WDPCP: variants seen among roughly 807,000 people sequenced by gnomAD.
WDPCP encodes the protein WD repeat containing planar cell polarity effector.
WDPCP carries 71 observed loss-of-function variants against 93.1 expected under a neutral mutation model. That is an observed-to-expected ratio of 0.76 (90% CI 0.63 to 0.93). The LOEUF (loss-of-function observed/expected upper bound fraction) is 0.93, where lower values mean the gene tolerates loss of function less well. Among genes scored for constraint, WDPCP ranks in the 40% least tolerant of loss-of-function variants. WDPCP has a pLI of 0.00. For missense variants in WDPCP, 844 were observed against 887.4 expected, an observed-to-expected ratio of 0.95 and a Z score of 0.62; for synonymous variants, 315 against 315.0, an observed-to-expected ratio of 1.00 and a Z score of 0.00.
chr2:63,505,719 G>T (rs1441762350), intron 1 of WDPCP, among the ~76,000 whole-genome samples: 2 of 151,782 alleles, frequency 1.3e-5, no homozygotes, highest in South Asian at 4.1e-4. Context: ...ATACCTACCT[G>T]AAAAAAAGGA....
intron 13 of WDPCP, among the ~76,000 whole-genome samples, chr2:63,300,568 A>C (rs1575092905): frequency 6.6e-6 from 1 of 152,252 alleles, no homozygotes; most frequent in South Asian, 2.1e-4. Flanking sequence ...TGTCAGCAAC[A>C]GGATCCCCAA....
In WDPCP at chr2:63,267,643, A is replaced by T. The variant is rs1392764508; in HGVS notation, c.1813-8234T>A. 5.3e-5 allele frequency among the ~76,000 whole-genome samples: 8 copies of T among 152,324 alleles called. No individual in the cohort carries two copies. The East Asian group carries it at 1.5e-3, about 29-fold the overall frequency. ...AATTCAAACAACTCAATAGTAAGAA[A>T]ACTCAGTTAAAAGCTGGTAAAAGTA... On this transcript the variant is annotated intron_variant, in intron 13 of 17. Transcript: ENST00000272321.
intron 9 of WDPCP, among the ~76,000 whole-genome samples, chr2:63,424,389 C>T (rs1696101156): frequency 6.6e-6 from 1 of 152,130 alleles, no homozygotes; most frequent in Admixed American, 6.5e-5. Context: ...GAGAAGAGGA[C>T]TGTCTTTCTC....
chr2:63,335,219 T>C (rs1285947537), intron 12 of WDPCP, among the ~76,000 whole-genome samples: 1 of 152,162 alleles, frequency 6.6e-6, no homozygotes, highest in African/African-American at 2.4e-5. Context: ...TCACCAATAC[T>C]TGCCCTTTTC....
At chr2:63,591,461 A>G (rs895695249), upstream of WDPCP, among the ~76,000 whole-genome samples, 4 of 152,250 alleles carry the variant, frequency 2.6e-5, no homozygotes, top group Non-Finnish European at 5.9e-5. Flanking sequence ...TTAGGTGGCC[A>G]CAACCCCTTC....
At chr2:63,497,111 C>CAAAAA (rs10667775) in intron 1 of WDPCP, among the ~76,000 whole-genome samples, 2,531 of 72,218 alleles carry the variant, frequency 0.035, 299 homozygotes, top group African/African-American at 0.12. Flanking sequence ...GACTCCATCT[C>CAAAAA]AAAAAAAAAA....
rs1357650656 is a variant in WDPCP, at chr2:63,382,003, G to A, written c.1527C>T (p.Ser509=). 3 of 1,613,522 alleles carry A rather than the reference G, an allele frequency of 1.9e-6. No individual in the cohort carries two copies. The highest frequency in any genetic ancestry group is 1.7e-5 in the Admixed American group (1 of 59,906). The stretch of plus-strand genomic sequence containing the variant: ...GGCCCAGAGTGTCCCAGTTCATGCT[G>A]CTCAGGATGTTTATTGCCTCATAGA... ...DEIYEAINIL[S]SMNWDTLGHQ... Residue 509 remains serine, a synonymous_variant, in exon 11 of 18, where the codon AGC becomes AGT. Transcript: ENST00000272321.
intron 13 of WDPCP, among the ~76,000 whole-genome samples, chr2:63,262,906 T>G (rs1051841056): frequency 1.1e-4 from 17 of 152,192 alleles, no homozygotes; most frequent in African/African-American, 4.1e-4. Flanking sequence ...AGGTACTGGC[T>G]AAGAGGGCAA....
At position 63,323,576 on chromosome 2, in the gene WDPCP, C is replaced by T. The variant is rs552910879; in HGVS notation, c.1749-10265G>A. ...TCTTCCAACCCTGGACATCCCTTCC[C>T]TCCCTCAGGGTATGGCCCTCCACTT... On this transcript the variant is annotated intron_variant, in intron 12 of 17. Transcript: ENST00000272321. Among the ~76,000 whole-genome samples the T allele has an allele frequency of 2.0e-5, 3 of 152,262 alleles. 1 individual carries two copies. The highest frequency in any genetic ancestry group is 7.2e-5 in the African/African-American group (3 of 41,552).
At chr2:63,225,303 A>C (rs183732555) in intron 14 of WDPCP, among the ~76,000 whole-genome samples, 1 of 152,016 alleles carries the variant, frequency 6.6e-6, no homozygotes, top group African/African-American at 2.4e-5. Flanking sequence ...ATAAACATAT[A>C]AAAAGAAACT....
At chr2:63,297,821 A>G (rs1244016372) in intron 13 of WDPCP, among the ~76,000 whole-genome samples, 1 of 152,194 alleles carries the variant, frequency 6.6e-6, no homozygotes, top group African/African-American at 2.4e-5. Context: ...TAACTAATGC[A>G]CAGGTTCTAC....
chr2:63,820,104 G>C (rs1203755443), intron 1 of WDPCP, among the ~76,000 whole-genome samples: 1 of 152,148 alleles, frequency 6.6e-6, no homozygotes, highest in East Asian at 1.9e-4. Context: ...GGGACATTAA[G>C]AGTACTTAAT....
Position 63,404,546 on chromosome 2 carries a change from T to C in WDPCP, c.937A>G (p.Met313Val). Residue 313 changes from methionine (M) to valine (V), a missense_variant, in exon 10 of 18, where the codon ATG becomes GTG. By Grantham distance (21) the Met-to-Val change is conservative (BLOSUM62 1). Transcript: ENST00000272321. ...EHSVSVDKEP[M>V]ADSCIYECIR... Reference sequence around the variant, plus strand: ...CATTCATAGATGCAGCTGTCAGCCATGGGCTCTTTGTCTACACTTACGGAG... The same window carrying C: ...CATTCATAGATGCAGCTGTCAGCCACGGGCTCTTTGTCTACACTTACGGAG... 6.2e-7 allele frequency: 1 copy of C among 1,613,660 alleles called. No individual in the cohort carries two copies.
intron 2 of WDPCP, among the ~76,000 whole-genome samples, chr2:63,667,692 C>T (rs1710299435): frequency 6.6e-6 from 1 of 152,058 alleles, no homozygotes; most frequent in African/African-American, 2.4e-5. Flanking sequence ...TTGGAGAATG[C>T]AGAGGAACAG....
Position 63,404,575 on chromosome 2 carries a change from T to A in WDPCP, c.908A>T (p.Glu303Val). The A allele has an allele frequency of 6.2e-7, 1 of 1,613,982 alleles. No individual in the cohort carries two copies. The highest frequency in any genetic ancestry group is 1.1e-5 in the South Asian group (1 of 91,038). The change falls in exon 10 of 18, where the codon GAG becomes GTG. Residue 303 changes from glutamate to valine, a missense_variant. Glu to Val is a moderately radical substitution (Grantham distance 121). Coordinates refer to ENST00000272321, the MANE Select transcript of WDPCP (RefSeq NM_015910.7). ...CTCTTTGTCTACACTTACGGAGTGC[T>A]CCACTGTGAACACCTGATAAGGCTG... The part of the protein sequence containing the change: ...TKQPYQVFTV[E>V]HSVSVDKEPM...
At chr2:63,820,694 T>G (rs1187096963) in intron 1 of WDPCP, among the ~76,000 whole-genome samples, 1 of 152,162 alleles carries the variant, frequency 6.6e-6, no homozygotes, top group Non-Finnish European at 1.5e-5. Context: ...CAAAAAAACG[T>G]GTGTTCTTTT....
At chr2:63,243,643 T>C (rs1410469309) in intron 14 of WDPCP, among the ~76,000 whole-genome samples, 1 of 152,142 alleles carries the variant, frequency 6.6e-6, no homozygotes, top group East Asian at 1.9e-4. Context: ...GTGTTCAATT[T>C]ATCAAGAAGA....
intron 2 of WDPCP, among the ~76,000 whole-genome samples, chr2:63,767,107 T>C (rs1249256515): frequency 6.6e-6 from 1 of 152,202 alleles, no homozygotes; most frequent in African/African-American, 2.4e-5. Context: ...ATGTACACTT[T>C]CTGTCAAGTC....
At chr2:63,717,226 G>T in intron 2 of WDPCP, 1 of 501,116 alleles carries the variant, frequency 2.0e-6, no homozygotes, top group Non-Finnish European at 3.9e-6. Context: ...GAATTTGAAA[G>T]ACATATTGGC....
Sources: allele counts gnomAD v4.1 joint callset (sites outside exome capture counted in the v4.1 genomes callset), GRCh38; gene constraint gnomAD v4.1.1; transcripts MANE v1.5; gene names NCBI Gene and HGNC (gene_info 2026-07-23, HGNC 2026-07-21).